The following ARHGEF3 variants were observed in gnomAD, a reference collection of about 807,000 sequenced individuals.
ARHGEF3 encodes 59.8 kDA protein.
Under a neutral mutation model 63.2 loss-of-function variants are expected in ARHGEF3, and 28 were observed. The observed-to-expected ratio is 0.44, with a 90% CI of 0.33 to 0.61. The LOEUF (loss-of-function observed/expected upper bound fraction) is 0.61. Among genes scored for constraint, ARHGEF3 ranks in the 20% least tolerant of loss-of-function variants. The probability of loss-of-function intolerance (pLI) is 0.03; values close to 1 mark genes in which losing one functional copy is unlikely to be tolerated. For synonymous variants in ARHGEF3, 266 were observed against 254.2 expected (o/e 1.05, Z -0.44); for missense variants, 533 against 659.3 (o/e 0.81, Z 2.10).
At chr3:57,012,476 C>T (rs1009310249) in intron 2 of ARHGEF3, among the ~76,000 whole-genome samples, 2 of 152,166 alleles carry the variant, frequency 1.3e-5, no homozygotes, top group Admixed American at 1.3e-4. Flanking sequence ...TCAAGTTGGT[C>T]TCGAACTGCT....
chr3:57,069,992 C>G (rs916679349), intron 1 of ARHGEF3, among the ~76,000 whole-genome samples: 1 of 152,110 alleles, frequency 6.6e-6, no homozygotes, highest in African/African-American at 2.4e-5. Flanking sequence ...TATTTTTATT[C>G]CATTCTTCAA....
chr3:57,044,595 T>C (rs1704365596), intron 1 of ARHGEF3, among the ~76,000 whole-genome samples: 1 of 152,234 alleles, frequency 6.6e-6, no homozygotes, highest in South Asian at 2.1e-4. Context: ...TGTGGCTTAA[T>C]TACATGGATA....
At chr3:56,731,256 G>A (rs1242193966) in intron 9 of ARHGEF3, among the ~76,000 whole-genome samples, 1 of 152,072 alleles carries the variant, frequency 6.6e-6, no homozygotes, top group Non-Finnish European at 1.5e-5. Flanking sequence ...AGACCTCCAG[G>A]CTGGGCCCGG....
chr3:56,980,111 A>G (rs1271299342), intron 2 of ARHGEF3, among the ~76,000 whole-genome samples: 1 of 152,220 alleles, frequency 6.6e-6, no homozygotes, highest in East Asian at 1.9e-4. Context: ...TCGAAAATGC[A>G]CTTAATACCC....
chr3:56,818,777 T>C (rs1048133677), intron 4 of ARHGEF3, among the ~76,000 whole-genome samples: 2 of 152,210 alleles, frequency 1.3e-5, no homozygotes, highest in Non-Finnish European at 2.9e-5. Flanking sequence ...GTCTGGCTGA[T>C]AAAGAATTCT....
intron 4 of ARHGEF3, among the ~76,000 whole-genome samples, chr3:56,838,312 TGGG>T (rs910337391): frequency 5.9e-5 from 9 of 152,188 alleles, no homozygotes; most frequent in Admixed American, 4.6e-4. Context: ...AACATAATAC[TGGG>T]GTGAATGTTT....
chr3:56,910,516 C>T (rs2041827381), intron 3 of ARHGEF3, among the ~76,000 whole-genome samples: 1 of 152,134 alleles, frequency 6.6e-6, no homozygotes, highest in East Asian at 1.9e-4. Flanking sequence ...TGCAATAGAC[C>T]TGTATATATT....
At chr3:56,963,833 G>A (rs1028666890) in intron 2 of ARHGEF3, among the ~76,000 whole-genome samples, 1 of 152,170 alleles carries the variant, frequency 6.6e-6, no homozygotes, top group African/African-American at 2.4e-5. Context: ...GTTGATGAGA[G>A]ACTGGCAGGT....
chr3:56,925,197 C>A (rs535824916), intron 3 of ARHGEF3, among the ~76,000 whole-genome samples: 1 of 152,212 alleles, frequency 6.6e-6, no homozygotes, highest in Non-Finnish European at 1.5e-5. Flanking sequence ...GACTGGGTAG[C>A]CACAGCCTAC....
intron 2 of ARHGEF3, among the ~76,000 whole-genome samples, chr3:56,992,399 A>AAAAAAC (rs1560113689): frequency 1.5e-5 from 2 of 137,864 alleles, no homozygotes; most frequent in African/African-American, 3.0e-5. Flanking sequence ...AAAAAAAAAA[A>AAAAAAC]AAAAAAAAAA....
intron 3 of ARHGEF3, among the ~76,000 whole-genome samples, chr3:56,918,126 T>C (rs2108356986): frequency 6.6e-6 from 1 of 152,304 alleles, no homozygotes; most frequent in South Asian, 2.1e-4. Context: ...GGAAGGGTCC[T>C]AAATTTGAAC....
intron 1 of ARHGEF3, among the ~76,000 whole-genome samples, chr3:56,789,762 A>T (rs1559941337): frequency 6.6e-6 from 1 of 152,216 alleles, no homozygotes; most frequent in African/African-American, 2.4e-5. Flanking sequence ...TTGTAAAAAT[A>T]AACTCTATCA....
chr3:57,007,333 A>G (rs1465461322), intron 2 of ARHGEF3: 1 of 1,289,786 alleles, frequency 7.8e-7, no homozygotes, highest in East Asian at 5.6e-5. Context: ...CACCTCCAAC[A>G]GCCCTGAAGG....
At chr3:56,929,052 G>A (rs1388483674) in intron 3 of ARHGEF3, among the ~76,000 whole-genome samples, 5 of 152,190 alleles carry the variant, frequency 3.3e-5, no homozygotes, top group Admixed American at 1.3e-4. Context: ...TGCACACTGT[G>A]AGAAAAGGGG....
chr3:56,811,747 C>CAG (rs1270134243), intron 4 of ARHGEF3, among the ~76,000 whole-genome samples: 1 of 152,190 alleles, frequency 6.6e-6, no homozygotes, highest in African/African-American at 2.4e-5. Flanking sequence ...GAGGACTGAA[C>CAG]AGAAGCACTT....
At chr3:56,816,852 G>A (rs1357376844) in intron 4 of ARHGEF3, among the ~76,000 whole-genome samples, 1 of 152,182 alleles carries the variant, frequency 6.6e-6, no homozygotes, top group Non-Finnish European at 1.5e-5. Context: ...AAACCAGGGA[G>A]TCCTGAGGCC....
chr3:57,035,263 G>T, intron 1 of ARHGEF3: 2 of 698,784 alleles, frequency 2.9e-6, no homozygotes, highest in Non-Finnish European at 2.2e-6. Context: ...AATACAAGGG[G>T]AATATATCAA....
chr3:57,060,958 C>CTT (rs1705192836), intron 1 of ARHGEF3, among the ~76,000 whole-genome samples: 1 of 150,426 alleles, frequency 6.6e-6, no homozygotes, highest in African/African-American at 2.5e-5. Flanking sequence ...CTCTTATACT[C>CTT]TTTTTTATTG....
chr3:57,030,806 A>G (rs1703700154), intron 2 of ARHGEF3, among the ~76,000 whole-genome samples: 1 of 152,230 alleles, frequency 6.6e-6, no homozygotes, highest in South Asian at 2.1e-4. Flanking sequence ...TTGGGCCCCT[A>G]AAGTGTAAGT....
Sources: gnomAD v4.1 joint callset for allele counts (sites outside exome capture counted in the v4.1 genomes callset) on GRCh38, gnomAD v4.1.1 for gene constraint, MANE v1.5 for transcripts, NCBI Gene and HGNC (gene_info 2026-07-23, HGNC 2026-07-21) for gene names.